SLC44A1: variants seen among roughly 807,000 people sequenced by gnomAD.
SLC44A1 encodes the protein choline transporter-like protein 1.
A neutral mutation model predicts 79.3 loss-of-function variants in SLC44A1; 26 were observed. The ratio of observed to expected loss-of-function variants is 0.33; its 90% CI spans 0.24 to 0.46. The LOEUF is 0.46. Among genes scored for constraint, SLC44A1 ranks in the 20% least tolerant of loss-of-function variants. The pLI is 1.00. For missense variants in SLC44A1, 688 were observed against 798.1 expected (o/e 0.86, Z 1.66); for synonymous variants, 263 against 286.2 (o/e 0.92, Z 0.82).
intron 4 of SLC44A1, among the ~76,000 whole-genome samples, chr9:105,344,449 A>G (rs12377753): frequency 0.025 from 3,828 of 152,254 alleles, 53 homozygotes; most frequent in Middle Eastern, 0.048. Context: ...GAGGCCAGGG[A>G]TGTTGCTAAA....
In SLC44A1 at chr9:105,389,382, G is replaced by T; in HGVS notation, c.*326G>T. On this transcript the variant is annotated 3_prime_UTR_variant, in exon 16 of 16. Transcript: ENST00000374720. Reference sequence around the variant, plus strand: ...TCTGATTAACATTTTTAATAACTTAGAGGAGATTTTAACTTTATTTAAAAA... The same window carrying T: ...TCTGATTAACATTTTTAATAACTTATAGGAGATTTTAACTTTATTTAAAAA... The T allele has an allele frequency of 6.5e-6, 7 of 1,068,888 alleles. No individual in the cohort carries two copies. Among genetic ancestry groups the T allele is most frequent in the Non-Finnish European group, 7.9e-6 (7 of 882,198 alleles). The allele number at this position is 1,068,888 out of a possible 1,614,324, so 66.2% of individuals were successfully genotyped here.
intron 15 of SLC44A1, among the ~76,000 whole-genome samples, chr9:105,432,397 CCTT>C (rs1043246530): frequency 5.8e-4 from 88 of 152,250 alleles, no homozygotes; most frequent in Admixed American, 2.5e-3. Flanking sequence ...AATGTTTGGT[CCTT>C]CTGTTTTGCT....
chr9:105,427,349 C>A (rs556042675), intron 15 of SLC44A1, among the ~76,000 whole-genome samples: 2 of 152,152 alleles, frequency 1.3e-5, no homozygotes, highest in African/African-American at 2.4e-5. Context: ...TTCAATAATT[C>A]TCCTATAATT....
chr9:105,322,894 A>G (rs1416777715), intron 3 of SLC44A1, among the ~76,000 whole-genome samples: 1 of 152,116 alleles, frequency 6.6e-6, no homozygotes, highest in Admixed American at 6.5e-5. Flanking sequence ...TACTTTGTAT[A>G]ATTTCAATAA....
At chr9:105,307,143 G>T (rs943459069) in intron 2 of SLC44A1, among the ~76,000 whole-genome samples, 1 of 152,098 alleles carries the variant, frequency 6.6e-6, no homozygotes, top group Non-Finnish European at 1.5e-5. Flanking sequence ...GCTAGGGATC[G>T]GATATGCATT....
At position 105,244,924 on chromosome 9, in the gene SLC44A1, C is replaced by T. The variant is rs1229978711; in HGVS notation, c.36+20C>T. The T allele has an allele frequency of 2.6e-6, 3 of 1,175,226 alleles. No individual in the cohort carries two copies. The highest frequency in any genetic ancestry group is 4.6e-5 in the Admixed American group (1 of 21,826). The allele number at this position is 1,175,226 out of a possible 1,614,324, so 72.8% of individuals were successfully genotyped here. A position where few individuals can be genotyped will look rare whatever the true frequency, so the allele number is the denominator to read the frequency against. On this transcript the variant is annotated intron_variant, in intron 1 of 15. Transcript: ENST00000374720. ...GCGCAGGTGAGGGGCTCCCGCCTCCCGGCCGCCCGCCCGGATGCCTCCCGT... is the reference window on the plus strand; with the variant it reads ...GCGCAGGTGAGGGGCTCCCGCCTCCTGGCCGCCCGCCCGGATGCCTCCCGT...
chr9:105,349,268 A>G (rs557441194), intron 5 of SLC44A1, among the ~76,000 whole-genome samples: 5 of 152,266 alleles, frequency 3.3e-5, no homozygotes, highest in East Asian at 1.9e-4. Context: ...ACATGAGTCA[A>G]CTTCTCCAGG....
intron 4 of SLC44A1, among the ~76,000 whole-genome samples, chr9:105,336,797 G>A (rs1488606902): frequency 3.3e-5 from 5 of 152,304 alleles, no homozygotes; most frequent in South Asian, 4.1e-4. Flanking sequence ...TCCCTGTTCC[G>A]TTGTTCCATG....
At chr9:105,320,171 G>A (rs1315200706) in intron 3 of SLC44A1, among the ~76,000 whole-genome samples, 1 of 151,900 alleles carries the variant, frequency 6.6e-6, no homozygotes, top group Non-Finnish European at 1.5e-5. Context: ...ATTCATGCAT[G>A]TTGTTAAATA....
intron 15 of SLC44A1, chr9:105,385,768 T>C: frequency 1.0e-6 from 1 of 985,418 alleles, no homozygotes; most frequent in Non-Finnish European, 1.2e-6. Flanking sequence ...TGATGGTTTT[T>C]TCCCTAAGGT....
chr9:105,331,660 A>T (rs1826753440), intron 3 of SLC44A1, among the ~76,000 whole-genome samples: 1 of 152,338 alleles, frequency 6.6e-6, no homozygotes, highest in South Asian at 2.1e-4. Flanking sequence ...TTAAAGTATA[A>T]TTACTTTTAA....
intron 2 of SLC44A1, chr9:105,299,857 G>A (rs1049682286): frequency 3.0e-6 from 3 of 986,288 alleles, no homozygotes; most frequent in South Asian, 9.4e-5. Flanking sequence ...GTAATGAGTG[G>A]CATCTTTCAA....
intron 1 of SLC44A1, among the ~76,000 whole-genome samples, chr9:105,282,721 G>A (rs1183115749): frequency 6.6e-6 from 1 of 151,946 alleles, no homozygotes; most frequent in African/African-American, 2.4e-5. Flanking sequence ...GCTAATTTTT[G>A]TATTTTTAGT....
chr9:105,284,864 G>A (rs747664209), intron 1 of SLC44A1, among the ~76,000 whole-genome samples: 7 of 152,018 alleles, frequency 4.6e-5, no homozygotes, highest in Admixed American at 3.3e-4. Flanking sequence ...AATAGCCACC[G>A]CCACAATCAG....
At chr9:105,382,173 C>T (rs1001970676) in intron 13 of SLC44A1, among the ~76,000 whole-genome samples, 54 of 152,152 alleles carry the variant, frequency 3.5e-4, no homozygotes, top group African/African-American at 1.3e-3. Flanking sequence ...GACCTTGGAT[C>T]TACTCTTTTT....
chr9:105,411,479 T>C (rs1319767084), intron 15 of SLC44A1, among the ~76,000 whole-genome samples: 1 of 149,788 alleles, frequency 6.7e-6, no homozygotes, highest in African/African-American at 2.5e-5. Context: ...TGTGTGTGTG[T>C]GTGCGTGTGC....
rs1361126978 is a variant in SLC44A1 at position 105,373,330 on chromosome 9, T to C, written c.1495-1268T>C. 3.3e-5 allele frequency among the ~76,000 whole-genome samples: 5 copies of C among 152,292 alleles called. No individual in the cohort carries two copies. The East Asian group carries it at 7.7e-4, about 24-fold the overall frequency. ...ACAAAGTTCATATACTTTTCCTTCC[T>C]AAGACTCAAACATATTTGATGTTAT... On this transcript the variant is annotated intron_variant, in intron 12 of 15. Coordinates refer to ENST00000374720, the MANE Select transcript of SLC44A1 (RefSeq NM_080546.5).
At chr9:105,283,713 C>T (rs1247131787) in intron 1 of SLC44A1, among the ~76,000 whole-genome samples, 1 of 152,104 alleles carries the variant, frequency 6.6e-6, no homozygotes, top group Non-Finnish European at 1.5e-5. Context: ...TTTAAAAATC[C>T]AATCCCAATA....
At position 105,390,356 on chromosome 9, in the gene SLC44A1, C is replaced by G. The variant is rs936565051; in HGVS notation, c.*1300C>G. On this transcript the variant is annotated 3_prime_UTR_variant, in exon 16 of 16. Coordinates refer to ENST00000374720, the MANE Select transcript of SLC44A1 (RefSeq NM_080546.5). ...TTTGTTACAATTTTTTTAAAAAAAGCTATTTTTGTTAATGTAAAGTAAATA... is the reference window on the plus strand; with the variant it reads ...TTTGTTACAATTTTTTTAAAAAAAGGTATTTTTGTTAATGTAAAGTAAATA... 1.3e-4 allele frequency: 127 copies of G among 946,140 alleles called. No individual in the cohort carries two copies. Among genetic ancestry groups the G allele is most frequent in the Non-Finnish European group, 1.5e-4 (123 of 815,286 alleles). The allele number at this position is 946,140 out of a possible 1,614,324, so 58.6% of individuals were successfully genotyped here.
Sources: allele counts gnomAD v4.1 joint callset (sites outside exome capture counted in the v4.1 genomes callset), GRCh38; gene constraint gnomAD v4.1.1; transcripts MANE v1.5; gene names NCBI Gene and HGNC (gene_info 2026-07-23, HGNC 2026-07-21).